The following ZCCHC7 variants were observed in gnomAD, a reference collection of about 807,000 sequenced individuals.
The protein encoded by ZCCHC7 is zinc finger CCHC domain-containing protein 7.
A neutral mutation model predicts 52.0 loss-of-function variants in ZCCHC7; 35 were observed. That is an observed-to-expected ratio of 0.67 (90% confidence interval 0.51 to 0.89). The LOEUF is 0.89. Among genes scored for constraint, ZCCHC7 ranks in the 40% least tolerant of loss-of-function variants. The probability of loss-of-function intolerance (pLI) is 0.00; values close to 1 mark genes in which losing one functional copy is unlikely to be tolerated. For missense variants in ZCCHC7, 574 were observed against 649.1 expected (o/e 0.88, Z 1.26); for synonymous variants, 217 against 221.5 (o/e 0.98, Z 0.18).
At chr9:37,340,221 G>A (rs1436713003) in intron 6 of ZCCHC7, among the ~76,000 whole-genome samples, 2 of 152,070 alleles carry the variant, frequency 1.3e-5, no homozygotes, top group Non-Finnish European at 2.9e-5. Context: ...TGGCGTGGTA[G>A]GCTTATGCTT....
At chr9:37,135,138 T>C (rs1018743175) in intron 2 of ZCCHC7, among the ~76,000 whole-genome samples, 2 of 152,246 alleles carry the variant, frequency 1.3e-5, no homozygotes, top group Non-Finnish European at 2.9e-5. Context: ...AGATATTTAA[T>C]ATTTCTTATT....
rs541972708 is a variant in ZCCHC7 at position 37,158,443 on chromosome 9, A to G, written c.610+31501A>G. 2.3e-3 allele frequency among the ~76,000 whole-genome samples: 348 copies of G among 152,346 alleles called. 2 individuals are homozygous for G. Among genetic ancestry groups the G allele is most frequent in the African/African-American group, 8.2e-3 (341 of 41,574 alleles). On this transcript the variant is annotated intron_variant, in intron 2 of 8. Coordinates refer to ENST00000336755, the MANE Select transcript of ZCCHC7 (RefSeq NM_032226.3). ...CAAAAGTCAAAAATGGATTTTGATT[A>G]TGGGTAGTGATCAAGGAATGGATGA... is the stretch of plus-strand genomic sequence containing the variant.
At chr9:37,303,765 G>A (rs1238891965) in intron 3 of ZCCHC7, among the ~76,000 whole-genome samples, 1 of 141,084 alleles carries the variant, frequency 7.1e-6, no homozygotes, top group South Asian at 2.4e-4. Context: ...CCAGGCGCAA[G>A]CGATTCTCCT....
chr9:37,162,789 C>T (rs1821177430), intron 2 of ZCCHC7, among the ~76,000 whole-genome samples: 1 of 152,146 alleles, frequency 6.6e-6, no homozygotes, highest in Non-Finnish European at 1.5e-5. Flanking sequence ...ACAACAGTTC[C>T]AGGCCAGGTG....
chr9:37,324,960 T>G (rs1280888428), intron 5 of ZCCHC7, among the ~76,000 whole-genome samples: 1 of 152,178 alleles, frequency 6.6e-6, no homozygotes, highest in Non-Finnish European at 1.5e-5. Flanking sequence ...CATTTGAGAA[T>G]AGGGAAGTGG....
chr9:37,176,393 G>A (rs890847731), intron 2 of ZCCHC7, among the ~76,000 whole-genome samples: 4 of 151,994 alleles, frequency 2.6e-5, no homozygotes, highest in African/African-American at 4.8e-5. Flanking sequence ...TGTTAAATAC[G>A]CTTTCATTAA....
chr9:37,170,983 A>G (rs1165816607), intron 2 of ZCCHC7, among the ~76,000 whole-genome samples: 1 of 152,208 alleles, frequency 6.6e-6, no homozygotes, highest in East Asian at 1.9e-4. Context: ...CTCCTGTTCT[A>G]GAGAAAAAAG....
intron 6 of ZCCHC7, among the ~76,000 whole-genome samples, chr9:37,329,534 T>C (rs1311555712): frequency 6.6e-6 from 1 of 151,876 alleles, no homozygotes; most frequent in Non-Finnish European, 1.5e-5. Flanking sequence ...CATCACAGTT[T>C]ATAAATTATC....
intron 6 of ZCCHC7, 96 bp downstream of exon 6, chr9:37,327,930 G>T: frequency 4.5e-6 from 6 of 1,320,302 alleles, no homozygotes; most frequent in Non-Finnish European, 6.4e-6. Context: ...ATCTTCTGCT[G>T]GAAGATAATA....
chr9:37,175,645 C>G (rs142009040), intron 2 of ZCCHC7, among the ~76,000 whole-genome samples: 10 of 152,122 alleles, frequency 6.6e-5, no homozygotes, highest in Non-Finnish European at 1.3e-4. Context: ...GGCTGAGGCA[C>G]GAGAATCGAT....
intron 3 of ZCCHC7, among the ~76,000 whole-genome samples, chr9:37,303,655 CTTTTTTTT>C (rs74182940): frequency 3.5e-5 from 2 of 56,774 alleles, no homozygotes; most frequent in East Asian, 5.7e-4. Flanking sequence ...TTTTCTACCT[CTTTTTTTT>C]TTTTTTTTTT....
At chr9:37,200,658 C>T (rs1030814092) in intron 2 of ZCCHC7, among the ~76,000 whole-genome samples, 9 of 152,142 alleles carry the variant, frequency 5.9e-5, no homozygotes, top group Non-Finnish European at 1.2e-4. Flanking sequence ...GGAGCCAATT[C>T]ATAAAAAGAG....
Position 37,305,730 on chromosome 9 carries a change from A to G in ZCCHC7, c.951+16A>G, listed in dbSNP as rs770402601. The G allele has an allele frequency of 3.0e-5, 49 of 1,609,922 alleles. No homozygotes were observed. The highest frequency in any genetic ancestry group is 5.0e-5 in the Admixed American group (3 of 59,876). On this transcript the variant is annotated intron_variant, in intron 5 of 8. Coordinates refer to ENST00000336755, the MANE Select transcript of ZCCHC7 (RefSeq NM_032226.3). The stretch of plus-strand genomic sequence containing the variant: ...CTATACAGATGTGAGTATCCTGCAT[A>G]TAACTAATTTGTCAGGCTTTGGAGG...
intron 2 of ZCCHC7, among the ~76,000 whole-genome samples, chr9:37,201,860 C>T (rs753782026): frequency 6.6e-6 from 1 of 152,208 alleles, no homozygotes; most frequent in Non-Finnish European, 1.5e-5. Context: ...CTCATATTAT[C>T]TGCATTGCAC....
chr9:37,218,523 T>A (rs943366860), intron 2 of ZCCHC7, among the ~76,000 whole-genome samples: 4 of 152,252 alleles, frequency 2.6e-5, no homozygotes, highest in Non-Finnish European at 5.9e-5. Context: ...AATTGTGTCC[T>A]GGGCCAGGCG....
At chr9:37,182,539 A>G (rs766565620) in intron 2 of ZCCHC7, among the ~76,000 whole-genome samples, 39 of 151,758 alleles carry the variant, frequency 2.6e-4, no homozygotes, top group Non-Finnish European at 5.4e-4. Flanking sequence ...TAATTTTTGT[A>G]TTTTTAGTAG....
intron 6 of ZCCHC7, among the ~76,000 whole-genome samples, chr9:37,329,128 T>C (rs1830358147): frequency 6.6e-6 from 1 of 151,844 alleles, no homozygotes; most frequent in Non-Finnish European, 1.5e-5. Flanking sequence ...ACAGAGCTAC[T>C]CTTTGTAACT....
intron 6 of ZCCHC7, among the ~76,000 whole-genome samples, chr9:37,342,647 A>T (rs1223917435): frequency 6.6e-6 from 1 of 152,186 alleles, no homozygotes; most frequent in Non-Finnish European, 1.5e-5. Context: ...TGGGAAGCTA[A>T]GTGAAGAATC....
At chr9:37,162,526 A>C (rs1821163180) in intron 2 of ZCCHC7, among the ~76,000 whole-genome samples, 1 of 152,224 alleles carries the variant, frequency 6.6e-6, no homozygotes, top group African/African-American at 2.4e-5. Context: ...GGCTTATTTC[A>C]GTCAGCATAA....
Sources: gnomAD v4.1 joint callset for allele counts (sites outside exome capture counted in the v4.1 genomes callset) on GRCh38, gnomAD v4.1.1 for gene constraint, MANE v1.5 for transcripts, NCBI Gene and HGNC (gene_info 2026-07-23, HGNC 2026-07-21) for gene names.